The following GRIA4 variants were observed in gnomAD, a reference collection of about 807,000 sequenced individuals.
GRIA4 encodes the protein glutamate receptor 4.
GRIA4 carries 34 observed loss-of-function variants against 104.0 expected under a neutral mutation model. The ratio of observed to expected loss-of-function variants is 0.33; its 90% CI spans 0.25 to 0.44. The LOEUF (loss-of-function observed/expected upper bound fraction) is 0.44. GRIA4 is among the 20% of genes least tolerant of loss of function. The pLI is 1.00. For synonymous variants in GRIA4, 386 were observed against 381.9 expected (o/e 1.01, Z -0.13); for missense variants, 750 against 1,096.5 (o/e 0.68, Z 4.46).
chr11:105,826,226 A>G (rs1001972269), intron 4 of GRIA4, among the ~76,000 whole-genome samples: 2 of 151,952 alleles, frequency 1.3e-5, no homozygotes, highest in African/African-American at 2.4e-5. Context: ...GCAGGGAGAA[A>G]GGGGTTCTAT....
chr11:105,951,755 C>T (rs1053891981), intron 14 of GRIA4, among the ~76,000 whole-genome samples: 11 of 151,882 alleles, frequency 7.2e-5, no homozygotes, highest in Non-Finnish European at 1.0e-4. Flanking sequence ...CCCAGGAGTT[C>T]GAGACCAGCA....
chr11:105,617,948 T>A (rs1257951695), intron 3 of GRIA4, among the ~76,000 whole-genome samples: 1 of 151,916 alleles, frequency 6.6e-6, no homozygotes, highest in African/African-American at 2.4e-5. Context: ...GATAATTACA[T>A]CAAACTTGGC....
intron 3 of GRIA4, among the ~76,000 whole-genome samples, chr11:105,686,665 G>T (rs1458501312): frequency 6.6e-6 from 1 of 152,134 alleles, no homozygotes; most frequent in Non-Finnish European, 1.5e-5. Context: ...TCTCCACAGT[G>T]ACTGAACTAA....
intron 14 of GRIA4, 28 bp from the exon 15 acceptor site, chr11:105,971,886 T>C (rs777648688): frequency 7.8e-7 from 1 of 1,288,040 alleles, no homozygotes; most frequent in East Asian, 2.4e-5. Flanking sequence ...ACATATATAA[T>C]GTTATTTATG....
intron 4 of GRIA4, among the ~76,000 whole-genome samples, chr11:105,851,648 T>C (rs752153390): frequency 1.3e-5 from 2 of 152,086 alleles, no homozygotes; most frequent in South Asian, 2.1e-4. Context: ...GGAATAGCCA[T>C]TGCATTCCGT....
chr11:105,843,442 T>G (rs1308627851), intron 4 of GRIA4, among the ~76,000 whole-genome samples: 1 of 152,236 alleles, frequency 6.6e-6, no homozygotes, highest in East Asian at 1.9e-4. Flanking sequence ...CTTTGAATAC[T>G]CTCATATACC....
intron 9 of GRIA4, among the ~76,000 whole-genome samples, chr11:105,906,724 G>C (rs978826893): frequency 6.6e-6 from 1 of 152,086 alleles, no homozygotes; most frequent in Non-Finnish European, 1.5e-5. Context: ...CAGCCGGGGG[G>C]CCCAGCTGCA....
chr11:105,881,799 A>G (rs1417673201), intron 5 of GRIA4, among the ~76,000 whole-genome samples: 1 of 152,070 alleles, frequency 6.6e-6, no homozygotes, highest in African/African-American at 2.4e-5. Context: ...AATATCTGAT[A>G]AGAATTTACA....
intron 3 of GRIA4, among the ~76,000 whole-genome samples, chr11:105,681,074 A>G (rs1399000905): frequency 6.6e-6 from 1 of 152,196 alleles, no homozygotes; most frequent in African/African-American, 2.4e-5. Flanking sequence ...CATTCCTTTT[A>G]CTGGAGTCTC....
chr11:105,628,098 AAC>A (rs138811587), intron 3 of GRIA4, among the ~76,000 whole-genome samples: 26 of 149,686 alleles, frequency 1.7e-4, no homozygotes, highest in Non-Finnish European at 1.8e-4. Flanking sequence ...CACACACACA[AAC>A]ACACACACAC....
At chr11:105,635,657 T>C (rs1951183588) in intron 3 of GRIA4, among the ~76,000 whole-genome samples, 1 of 152,182 alleles carries the variant, frequency 6.6e-6, no homozygotes, top group Non-Finnish European at 1.5e-5. Flanking sequence ...AGCTGTGGCC[T>C]CAGTCCATGC....
At chr11:105,958,231 T>A (rs1243448500) in intron 14 of GRIA4, among the ~76,000 whole-genome samples, 1 of 152,228 alleles carries the variant, frequency 6.6e-6, no homozygotes, top group Non-Finnish European at 1.5e-5. Context: ...CCATTCAGTA[T>A]GATATTGGCT....
intron 4 of GRIA4, among the ~76,000 whole-genome samples, chr11:105,785,696 A>T (rs7108004): frequency 0.058 from 8,870 of 152,248 alleles, 681 homozygotes; most frequent in African/African-American, 0.18. Flanking sequence ...TATTGGATAG[A>T]CGACATTTCT....
At chr11:105,745,684 T>C (rs935003624) in intron 3 of GRIA4, among the ~76,000 whole-genome samples, 3 of 152,170 alleles carry the variant, frequency 2.0e-5, no homozygotes, top group African/African-American at 4.8e-5. Flanking sequence ...CATATGTTGT[T>C]CCAGTTACCA....
chr11:105,663,103 T>G (rs1196413162), intron 3 of GRIA4, among the ~76,000 whole-genome samples: 1 of 151,820 alleles, frequency 6.6e-6, no homozygotes, highest in East Asian at 1.9e-4. Context: ...CCTCTGAAAA[T>G]AAAATGTTTT....
chr11:105,792,633 T>C (rs1172857074), intron 4 of GRIA4, among the ~76,000 whole-genome samples: 2 of 152,166 alleles, frequency 1.3e-5, no homozygotes, highest in Non-Finnish European at 2.9e-5. Flanking sequence ...ACTTTTAACA[T>C]ACCTGAAGAT....
At chr11:105,866,116 T>C (rs1038717786) in intron 5 of GRIA4, among the ~76,000 whole-genome samples, 1 of 152,138 alleles carries the variant, frequency 6.6e-6, no homozygotes, top group African/African-American at 2.4e-5. Flanking sequence ...CTCTGAGAGA[T>C]GGATAAGAAA....
chr11:105,873,391 A>G (rs1945688192), intron 5 of GRIA4, among the ~76,000 whole-genome samples: 1 of 152,176 alleles, frequency 6.6e-6, no homozygotes, highest in Non-Finnish European at 1.5e-5. Flanking sequence ...ATACGTGTGC[A>G]TGTGTCTTTA....
intron 14 of GRIA4, among the ~76,000 whole-genome samples, chr11:105,970,558 C>T (rs903167584): frequency 2.6e-5 from 4 of 152,072 alleles, no homozygotes; most frequent in Admixed American, 1.3e-4. Flanking sequence ...TGCTTTTAAC[C>T]GTGCCTGGTA....
Sources: allele counts gnomAD v4.1 joint callset (sites outside exome capture counted in the v4.1 genomes callset), GRCh38; gene constraint gnomAD v4.1.1; transcripts MANE v1.5; gene names NCBI Gene and HGNC (gene_info 2026-07-23, HGNC 2026-07-21).